KIR3DL3: variants seen among roughly 807,000 people sequenced by gnomAD.
The protein encoded by KIR3DL3 is killer cell immunoglobulin-like receptor 3DL3.
A neutral mutation model predicts 34.9 loss-of-function variants in KIR3DL3; 27 were observed. That is an observed-to-expected ratio of 0.77 (90% CI 0.57 to 1.07). The LOEUF (loss-of-function observed/expected upper bound fraction) is 1.07. Among genes scored for constraint, KIR3DL3 ranks in the 50% least tolerant of loss-of-function variants. The pLI, the probability that KIR3DL3 is intolerant of heterozygous loss-of-function variation, is 0.00. For synonymous variants in KIR3DL3, 217 were observed against 200.2 expected (o/e 1.08, Z -0.71); for missense variants, 681 against 528.5 (o/e 1.29, Z -2.83).
In KIR3DL3 at chr19:54,729,737, G is replaced by A. The variant is rs1461358225; in HGVS notation, c.900G>A (p.Leu300=). ...NYRCFGSFRA[L]PHAWSDPSDP... Reference sequence around the variant, plus strand: ...GATGCTTCGGCTCTTTCCGTGCCCTGCCCCATGCGTGGTCAGACCCGAGTG... The same window carrying A: ...GATGCTTCGGCTCTTTCCGTGCCCTACCCCATGCGTGGTCAGACCCGAGTG... Residue 300 remains leucine (L), a synonymous_variant, in exon 5 of 8, where the codon CTG becomes CTA. Transcript: ENST00000291860. The A allele has an allele frequency of 2.5e-6, 4 of 1,586,906 alleles. No homozygotes were observed. Among genetic ancestry groups the A allele is most frequent in the Middle Eastern group, 3.3e-4 (2 of 6,002 alleles).
intron 3 of KIR3DL3, among the ~76,000 whole-genome samples, chr19:54,726,752 G>T (rs2068227610): frequency 7.1e-6 from 1 of 140,442 alleles, no homozygotes; most frequent in African/African-American, 2.6e-5. Context: ...GAAGATGGGG[G>T]AAGGCCATGA....
In KIR3DL3 at chr19:54,726,293, C is replaced by T. The variant is rs536966126; in HGVS notation, c.311C>T (p.Thr104Ile). 3 of 1,613,966 alleles carry T rather than the reference C, an allele frequency of 1.9e-6. No homozygotes were observed. In the African/African-American group the frequency reaches 4.0e-5, roughly 22 times the overall value. ...RCCSSHPHSP[T>I]GWSAPSNPVV... ...TGCAGTTCACACCCACACTCCCCCA[C>T]TGGGTGGTCGGCACCCAGCAACCCT... The change falls in exon 3 of 8, where the codon ACT (threonine) becomes ATT (isoleucine). Residue 104 changes from threonine (T) to isoleucine (I), a missense_variant. Thr to Ile is a moderately conservative substitution (Grantham distance 89, BLOSUM62 -1). Transcript: ENST00000291860.
chr19:54,728,027 T>C, intron 4 of KIR3DL3, 117 bp downstream of exon 4: 1 of 1,043,306 alleles, frequency 9.6e-7, no homozygotes, highest in African/African-American at 1.6e-5. Context: ...GGAGAGAAAG[T>C]GACTTGGTGA....
chr19:54,729,904 T>G, intron 5 of KIR3DL3, 118 bp downstream of exon 5: 1 of 893,006 alleles, frequency 1.1e-6, no homozygotes, highest in Non-Finnish European at 1.6e-6. Flanking sequence ...ACAGCATGGG[T>G]GTAAGGGCGG....
At chr19:54,732,232 T>TTG (rs375310918) in intron 5 of KIR3DL3, among the ~76,000 whole-genome samples, 8 of 147,302 alleles carry the variant, frequency 5.4e-5, no homozygotes, top group African/African-American at 1.5e-4. Flanking sequence ...CTGGGGTTTT[T>TTG]TGTGTGTGTG....
At chr19:54,729,441 G>C in intron 4 of KIR3DL3, 52 bp from the exon 5 acceptor site, 5 of 1,429,978 alleles carry the variant, frequency 3.5e-6, no homozygotes, top group Non-Finnish European at 4.7e-6. Flanking sequence ...GGTGTGAGGA[G>C]AGCTGTGACA....
rs771181002 is a variant in KIR3DL3, at chr19:54,736,020, A to T, written c.1157A>T (p.His386Leu). ...GAGGTGACATACGCACAGTTGAATC[A>T]CTGCGTTTTCACACAGAGAAAAATC... The part of the protein sequence containing the change: ...PQEVTYAQLN[H>L]CVFTQRKITR... Residue 386 changes from histidine to leucine, a missense_variant, in exon 8 of 8, where the codon CAC becomes CTC. Physicochemically the swap from His to Leu is moderately conservative, Grantham distance 99. Coordinates refer to ENST00000291860, the MANE Select transcript of KIR3DL3 (RefSeq NM_153443.5). The T allele has an allele frequency of 4.3e-6, 7 of 1,613,592 alleles. No individual in the cohort carries two copies. Among genetic ancestry groups the T allele is most frequent in the Admixed American group, 1.7e-5 (1 of 59,910 alleles).
intron 5 of KIR3DL3, among the ~76,000 whole-genome samples, chr19:54,734,388 A>G (rs1296617434): frequency 1.3e-5 from 2 of 150,550 alleles, no homozygotes; most frequent in Non-Finnish European, 3.0e-5. Context: ...TGACAACAGA[A>G]ACCTACATTT....
Position 54,725,295 on chromosome 19 carries a change from C to T in KIR3DL3, c.70+13C>T. On this transcript the variant is annotated intron_variant, in intron 2 of 7. Coordinates refer to ENST00000291860, the MANE Select transcript of KIR3DL3 (RefSeq NM_153443.5). ...TGGCCACATGTGGGTGAGTCCTTCCCCCAAACCTTAGGTTGTCATCTCCCC... is the reference window on the plus strand; with the variant it reads ...TGGCCACATGTGGGTGAGTCCTTCCTCCAAACCTTAGGTTGTCATCTCCCC... 1.3e-6 allele frequency: 2 copies of T among 1,561,160 alleles called. No homozygotes were observed. Among genetic ancestry groups the T allele is most frequent in the African/African-American group, 1.4e-5 (1 of 73,378 alleles).
intron 1 of KIR3DL3, 86 bp from the exon 2 acceptor site, chr19:54,725,158 GCCT>G (rs2068026488): frequency 1.8e-6 from 1 of 545,878 alleles, no homozygotes; most frequent in African/African-American, 3.6e-5. Context: ...GGAGATATGG[GCCT>G]AGAGGTGGAG....
chr19:54,729,216 A>C (rs1164196021), intron 4 of KIR3DL3, among the ~76,000 whole-genome samples: 1 of 151,508 alleles, frequency 6.6e-6, no homozygotes, highest in African/African-American at 2.4e-5. Flanking sequence ...AATTAAAGAA[A>C]GAGGAAGATC....
intron 5 of KIR3DL3, 57 bp downstream of exon 5, chr19:54,729,843 G>C: frequency 6.6e-7 from 1 of 1,512,106 alleles, no homozygotes; most frequent in Non-Finnish European, 8.9e-7. Flanking sequence ...TAGCTGAGGA[G>C]CTTCCTGCTG....
chr19:54,729,664 TC>T lies in KIR3DL3; in HGVS notation c.829del (p.Gln277ArgfsTer9). Reference protein sequence around the residue: ...LTAVLRVNGTFQANFPLGPVT... With the variant: ...LTAVLRVNGTXQANFPLGPVT... ...GCAGTGCTGAGGGTCAATGGAACAT[TC>T]CAGGCCAACTTCCCTCTGGGCCCTG... On this transcript the variant is annotated frameshift_variant, in exon 5 of 8. Coordinates refer to ENST00000291860, the MANE Select transcript of KIR3DL3 (RefSeq NM_153443.5). LOFTEE classifies it high-confidence loss of function. The T allele has an allele frequency of 6.2e-7, 1 of 1,600,220 alleles. No individual in the cohort carries two copies.
Position 54,726,234 on chromosome 19 carries a change from T to G in KIR3DL3, c.252T>G (p.Pro84=), listed in dbSNP as rs1241411472. Residue 84 remains proline (P), a synonymous_variant, in exon 3 of 8, where the codon CCT becomes CCG. Transcript: ENST00000291860. ...RIFRNSFLMG[P]VTPAHAGTYR... ...TCCGGAACAGCTTTCTCATGGGCCC[T>G]GTGACCCCAGCACATGCAGGGACCT... 6.8e-6 allele frequency: 11 copies of G among 1,613,784 alleles called. No individual in the cohort carries two copies. Among genetic ancestry groups the G allele is most frequent in the African/African-American group, 1.3e-5 (1 of 74,808 alleles).
intron 4 of KIR3DL3, 65 bp from the exon 5 acceptor site, chr19:54,729,428 T>C: frequency 7.2e-7 from 1 of 1,386,918 alleles, no homozygotes; most frequent in South Asian, 1.3e-5. Flanking sequence ...AGTTCTCAGC[T>C]CAGGTGTGAG....
At chr19:54,735,932 G>A (rs1247324196) in intron 7 of KIR3DL3, 39 bp from the exon 8 acceptor site, 3 of 1,608,070 alleles carry the variant, frequency 1.9e-6, no homozygotes, top group Non-Finnish European at 2.5e-6. Flanking sequence ...CCTGGAAAAT[G>A]TGAGCACCCT....
intron 1 of KIR3DL3, 33 bp downstream of exon 1, chr19:54,724,563 GCTGGGGTGGAGATCTGGGC>G: frequency 6.3e-7 from 1 of 1,591,248 alleles, no homozygotes. Context: ...GGGAGGGAGC[GCTGGGGTGGAGATCTGGGC>G]CTGGAGTGGA....
chr19:54,732,315 A>G (rs2146838565), intron 5 of KIR3DL3, among the ~76,000 whole-genome samples: 1 of 151,770 alleles, frequency 6.6e-6, no homozygotes, highest in Admixed American at 6.6e-5. Flanking sequence ...CAGTAGCACA[A>G]TCTCAGCTCA....
In KIR3DL3 at chr19:54,736,077, C is replaced by T; in HGVS notation, c.1214C>T (p.Pro405Leu). Residue 405 changes from proline to leucine, a missense_variant, in exon 8 of 8, where the codon CCA becomes CTA. Coordinates refer to ENST00000291860, the MANE Select transcript of KIR3DL3 (RefSeq NM_153443.5). The part of the protein sequence containing the change: ...TRPSQRPKTP[P>L]TDTSV The stretch of plus-strand genomic sequence containing the variant: ...CCTTCTCAGAGGCCCAAGACACCCC[C>T]AACAGATACCAGCGTGTAACACGGA... 6.2e-7 allele frequency: 1 copy of T among 1,613,594 alleles called. No homozygotes were observed. Among genetic ancestry groups the T allele is most frequent in the South Asian group, 1.1e-5 (1 of 91,038 alleles).
Sources: gnomAD v4.1 joint callset for allele counts (sites outside exome capture counted in the v4.1 genomes callset) on GRCh38, gnomAD v4.1.1 for gene constraint, MANE v1.5 for transcripts, NCBI Gene and HGNC (gene_info 2026-07-23, HGNC 2026-07-21) for gene names.